TOP6BL: variants seen among roughly 807,000 people sequenced by gnomAD.
TOP6BL encodes the protein type 2 DNA topoisomerase 6 subunit B-like.
At chr11:66,834,032 T>C in the TOP6BL span, among the ~76,000 whole-genome samples, 2 of 152,170 alleles carry the variant, frequency 1.3e-5, no homozygotes, top group Non-Finnish European at 2.9e-5. Context: ...CATAGCCCAA[T>C]TAATTTGGCA....
chr11:66,751,414 C>T, the TOP6BL span, among the ~76,000 whole-genome samples: 19 of 151,516 alleles, frequency 1.3e-4, no homozygotes, highest in South Asian at 2.1e-3. Context: ...AGGATGGTCT[C>T]GATCTCTTGA....
At chr11:66,842,034 T>C in the TOP6BL span, among the ~76,000 whole-genome samples, 1 of 151,950 alleles carries the variant, frequency 6.6e-6, no homozygotes, top group African/African-American at 2.4e-5. Flanking sequence ...CCCCTGTCTC[T>C]ACAAGTAAAA....
chr11:66,761,022 C>G, the TOP6BL span, among the ~76,000 whole-genome samples: 20 of 142,478 alleles, frequency 1.4e-4, no homozygotes, highest in Non-Finnish European at 2.4e-4. Context: ...AGGAGATAAA[C>G]CCATTTTATT....
chr11:66,811,745 A>G, the TOP6BL span, among the ~76,000 whole-genome samples: 1 of 152,218 alleles, frequency 6.6e-6, no homozygotes, highest in Admixed American at 6.5e-5. Context: ...TGCAACAGTT[A>G]TAACTAATAA....
the TOP6BL span, among the ~76,000 whole-genome samples, chr11:66,826,690 TA>T: frequency 1.4e-5 from 2 of 146,186 alleles, no homozygotes; most frequent in Non-Finnish European, 3.0e-5. Context: ...TTTATTTATT[TA>T]TTTTTTTTGA....
chr11:66,827,206 A>G, the TOP6BL span, among the ~76,000 whole-genome samples: 3 of 148,098 alleles, frequency 2.0e-5, no homozygotes, highest in Admixed American at 2.0e-4. Context: ...ATGCGCCACC[A>G]CGCCCAGCTA....
chr11:66,785,362 C>T, the TOP6BL span, among the ~76,000 whole-genome samples: 4 of 152,060 alleles, frequency 2.6e-5, no homozygotes, highest in Non-Finnish European at 5.9e-5. Context: ...AATATAGATA[C>T]TTATTTAAAA....
chr11:66,747,550 A>G, the TOP6BL span, among the ~76,000 whole-genome samples: 1 of 151,166 alleles, frequency 6.6e-6, no homozygotes, highest in Admixed American at 6.6e-5. Flanking sequence ...CAGCAGCCCT[A>G]TGTGGTAGTT....
At chr11:66,780,977 T>A in the TOP6BL span, among the ~76,000 whole-genome samples, 1 of 152,200 alleles carries the variant, frequency 6.6e-6, no homozygotes, top group African/African-American at 2.4e-5. Context: ...CTTTCAATAT[T>A]TTATCTTTAT....
At chr11:66,756,758 G>A in the TOP6BL span, among the ~76,000 whole-genome samples, 1 of 151,638 alleles carries the variant, frequency 6.6e-6, no homozygotes, top group South Asian at 2.1e-4. Flanking sequence ...GTTGCCAAGG[G>A]TGGAGTGCAG....
chr11:66,804,713 G>A, the TOP6BL span, among the ~76,000 whole-genome samples: 2 of 152,214 alleles, frequency 1.3e-5, no homozygotes, highest in African/African-American at 2.4e-5. Flanking sequence ...CGAGGTGGGC[G>A]GATCACTTGA....
the TOP6BL span, among the ~76,000 whole-genome samples, chr11:66,812,241 A>G: frequency 4.2e-5 from 6 of 143,624 alleles, no homozygotes; most frequent in African/African-American, 1.3e-4. Flanking sequence ...CAGTGGCGCA[A>G]TCTCGGCTCA....
At chr11:66,788,047 T>G in the TOP6BL span, 2 of 654,694 alleles carry the variant, frequency 3.1e-6, no homozygotes, top group Non-Finnish European at 5.3e-6. Flanking sequence ...TTGTAGATAA[T>G]CTTTTCATCA....
chr11:66,802,468 T>TA, the TOP6BL span, among the ~76,000 whole-genome samples: 3 of 152,226 alleles, frequency 2.0e-5, no homozygotes, highest in African/African-American at 2.4e-5. Flanking sequence ...ACTGCTAATT[T>TA]AAAAAAAATT....
the TOP6BL span, among the ~76,000 whole-genome samples, chr11:66,774,597 G>C: frequency 1.5e-4 from 23 of 152,092 alleles, no homozygotes; most frequent in East Asian, 3.7e-3. Context: ...GGGACTACAG[G>C]CGCCCGCCAC....
chr11:66,768,336 A>G, the TOP6BL span, among the ~76,000 whole-genome samples: 1 of 152,180 alleles, frequency 6.6e-6, no homozygotes, highest in African/African-American at 2.4e-5. Context: ...CAACAACTCT[A>G]AGGCTCAGAA....
At chr11:66,831,859 T>C in the TOP6BL span, among the ~76,000 whole-genome samples, 1 of 151,674 alleles carries the variant, frequency 6.6e-6, no homozygotes, top group Non-Finnish European at 1.5e-5. Flanking sequence ...TAGCTGGGCA[T>C]GGTGGCAGGC....
chr11:66,745,309 C>CGGGGGG, the TOP6BL span, among the ~76,000 whole-genome samples: 4 of 11,810 alleles, frequency 3.4e-4, no homozygotes, highest in Admixed American at 1.0e-3. Context: ...CGTTGCGGGG[C>CGGGGGG]GGGGTGGGGG....
the TOP6BL span, among the ~76,000 whole-genome samples, chr11:66,839,424 C>T: frequency 6.6e-6 from 1 of 152,364 alleles, no homozygotes; most frequent in African/African-American, 2.4e-5. Context: ...GCCGAATTAG[C>T]AGGGATGCCC....
Sources: gnomAD v4.1 joint callset for allele counts (sites outside exome capture counted in the v4.1 genomes callset) on GRCh38, gnomAD v4.1.1 for gene constraint, MANE v1.5 for transcripts, NCBI Gene and HGNC (gene_info 2026-07-23, HGNC 2026-07-21) for gene names.